The following NSD1 variants were observed in gnomAD, a reference collection of about 807,000 sequenced individuals.
NSD1 encodes the protein nuclear receptor binding SET domain protein 1, also known as histone-lysine N-methyltransferase, H3 lysine-36 specific.
NSD1 carries 26 observed loss-of-function variants against 242.7 expected under a neutral mutation model. The observed-to-expected ratio is 0.11, with a 90% confidence interval of 0.08 to 0.15. The LOEUF (loss-of-function observed/expected upper bound fraction) is 0.15. Among genes scored for constraint, NSD1 ranks in the 10% least tolerant of loss-of-function variants. The probability of loss-of-function intolerance (pLI) is 1.00; values close to 1 mark genes in which losing one functional copy is unlikely to be tolerated. For synonymous variants in NSD1, 1,106 were observed against 1,178.1 expected (o/e 0.94, Z 1.25); for missense variants, 2,495 against 3,272.8 (o/e 0.76, Z 5.80).
Position 177,290,835 on chromosome 5 carries a change from A to T in NSD1, c.6259-1119A>T, listed in dbSNP as rs376990656. Among the ~76,000 whole-genome samples, 8 of 152,306 alleles carry T rather than the reference A, an allele frequency of 5.3e-5. 2 individuals carry two copies. The East Asian group carries it at 5.8e-4, about 11-fold the overall frequency. On this transcript the variant is annotated intron_variant, in intron 21 of 22. Coordinates refer to ENST00000439151, the MANE Select transcript of NSD1 (RefSeq NM_022455.5). ...TGGTTTAACGGTGTTGTTCCTTAAG[A>T]TGTTGACTTGTTTCCTATAAATTAA...
In NSD1 at chr5:177,210,385, C is replaced by A. The variant is rs1763239548; in HGVS notation, c.1986C>A (p.Val662=). The stretch of plus-strand genomic sequence containing the variant: ...ACAGCTCAGAGTCTGATAACAGTGT[C>A]CTTGAAATTCCAGATGCTTTCGATA... ...IEHSSESDNS[V]LEIPDAFDRT... Residue 662 remains valine (V), a synonymous_variant, in exon 5 of 23, where the codon GTC becomes GTA. Transcript: ENST00000439151. The A allele has an allele frequency of 1.2e-6, 2 of 1,613,956 alleles. No homozygotes were observed.
chr5:177,276,992 A>G (rs1054104660), intron 17 of NSD1, among the ~76,000 whole-genome samples: 2 of 152,212 alleles, frequency 1.3e-5, no homozygotes, highest in African/African-American at 4.8e-5. Context: ...AAATAATTCT[A>G]TTCACATAGT....
Position 177,238,119 on chromosome 5 carries a change from C to A in NSD1, c.3922-118C>A. ...TAGCATACATAATGTCTTCAAGGTT[C>A]ATCCACTTTTTGTAGCCTTTGTCAG... On this transcript the variant is annotated intron_variant, in intron 6 of 22. Coordinates refer to ENST00000439151, the MANE Select transcript of NSD1 (RefSeq NM_022455.5). This position sits in a 1 kb window ranked among gnomAD's most constrained non-coding sequence, Gnocchi z 4.6. The A allele has an allele frequency of 1.8e-6, 2 of 1,115,134 alleles. No homozygotes were observed. Among genetic ancestry groups the A allele is most frequent in the Non-Finnish European group, 2.7e-6 (2 of 731,324 alleles). The allele number at this position is 1,115,134 out of a possible 1,614,324, so 69.1% of individuals were successfully genotyped here.
chr5:177,209,499 A>G, intron 4 of NSD1, 137 bp from the exon 5 acceptor site: 1 of 673,554 alleles, frequency 1.5e-6, no homozygotes, highest in Non-Finnish European at 2.5e-6. Flanking sequence ...ACTGCACTCC[A>G]GCCTGGGCGA....
rs1334745858 is a variant in NSD1 at position 177,297,733 on chromosome 5, T to C, written c.*2274T>C. 2 of 232,988 alleles carry C rather than the reference T, an allele frequency of 8.6e-6. No homozygotes were observed. The highest frequency in any genetic ancestry group is 4.4e-5 in the African/African-American group (2 of 45,318). 14.4% of individuals were successfully genotyped at this position (232,988 alleles called of 1,614,324 possible). A position where few individuals can be genotyped will look rare whatever the true frequency, so the allele number is the denominator to read the frequency against. ...AGAAGTTTGATTCTAAAGTAGCTTC[T>C]CTAAAGTAGGCTTTGGTAGGTAATC... On this transcript the variant is annotated 3_prime_UTR_variant, in exon 23 of 23. Transcript: ENST00000439151.
At chr5:177,214,412 A>G (rs1043365635) in intron 5 of NSD1, among the ~76,000 whole-genome samples, 3 of 152,190 alleles carry the variant, frequency 2.0e-5, no homozygotes, top group African/African-American at 7.2e-5. Flanking sequence ...ATGTACATGT[A>G]CAACAGCAGA....
chr5:177,148,389 A>G (rs547125014), intron 2 of NSD1, among the ~76,000 whole-genome samples: 1 of 152,110 alleles, frequency 6.6e-6, no homozygotes, highest in South Asian at 2.1e-4. Flanking sequence ...AAGTGCTGGG[A>G]TTACAGGCGT....
intron 17 of NSD1, among the ~76,000 whole-genome samples, chr5:177,278,661 C>T (rs1374719859): frequency 6.6e-6 from 1 of 152,170 alleles, no homozygotes; most frequent in Non-Finnish European, 1.5e-5. Flanking sequence ...TTTAATATGT[C>T]TACCATGTTT....
At chr5:177,158,293 C>CTTTCTTTCTTTCTTTTCTTTTCT (rs1758350204) in intron 2 of NSD1, among the ~76,000 whole-genome samples, 54 of 77,726 alleles carry the variant, frequency 6.9e-4, no homozygotes, top group Middle Eastern at 6.4e-3. Flanking sequence ...TTCTTTCTTT[C>CTTTCTTTCTTTCTTTTCTTTTCT]TTTCTTTCTT....
chr5:177,214,600 T>A (rs1008032855), intron 5 of NSD1, among the ~76,000 whole-genome samples: 3 of 152,054 alleles, frequency 2.0e-5, no homozygotes, highest in Non-Finnish European at 4.4e-5. Flanking sequence ...TGTGATTGGG[T>A]TATTTCACAT....
chr5:177,191,369 G>A (rs530847288), intron 2 of NSD1, among the ~76,000 whole-genome samples: 1 of 152,238 alleles, frequency 6.6e-6, no homozygotes, highest in South Asian at 2.1e-4. Context: ...GTGTTAGCTG[G>A]GACTACAGGC....
rs539338530 is a variant in NSD1 at position 177,198,857 on chromosome 5, T to C, written c.1064-5263T>C. ...TCACCAAGATGTCAATTTGAAAATA[T>C]ATTCATCACCCTAACATGGAACCCC... On this transcript the variant is annotated intron_variant, in intron 3 of 22. Coordinates refer to ENST00000439151, the MANE Select transcript of NSD1 (RefSeq NM_022455.5). Among the ~76,000 whole-genome samples the C allele has an allele frequency of 3.3e-5, 5 of 152,356 alleles. No individual in the cohort carries two copies. In the South Asian group the frequency reaches 6.2e-4, roughly 19 times the overall value.
intron 5 of NSD1, among the ~76,000 whole-genome samples, chr5:177,235,249 G>A (rs1672137885): frequency 6.6e-6 from 1 of 152,082 alleles, no homozygotes; most frequent in South Asian, 2.1e-4. Flanking sequence ...GTATAATGTA[G>A]AAAATAAATA....
intron 14 of NSD1, among the ~76,000 whole-genome samples, chr5:177,262,508 C>T (rs1394200362): frequency 6.6e-6 from 1 of 152,106 alleles, no homozygotes; most frequent in Non-Finnish European, 1.5e-5. Context: ...CCCAGGAGGC[C>T]CAAATCACTA....
chr5:177,157,544 C>G (rs530632131), intron 2 of NSD1, among the ~76,000 whole-genome samples: 5 of 151,826 alleles, frequency 3.3e-5, no homozygotes, highest in Admixed American at 1.3e-4. Context: ...ACTAAAAATA[C>G]AAAAATTAGC....
At chr5:177,258,528 GTTGT>G (rs1321708637) in intron 13 of NSD1, among the ~76,000 whole-genome samples, 6 of 150,356 alleles carry the variant, frequency 4.0e-5, no homozygotes, top group African/African-American at 1.5e-4. Context: ...TGTTGTTGTT[GTTGT>G]TTGTTGTTGT....
intron 5 of NSD1, among the ~76,000 whole-genome samples, chr5:177,222,970 AC>A (rs1157687465): frequency 6.6e-6 from 1 of 151,722 alleles, no homozygotes; most frequent in African/African-American, 2.4e-5. Flanking sequence ...TTCTTCTAAA[AC>A]CTTTGATGCA....
chr5:177,208,655 C>T (rs950184534), intron 4 of NSD1, among the ~76,000 whole-genome samples: 9 of 151,178 alleles, frequency 6.0e-5, no homozygotes, highest in African/African-American at 2.2e-4. Context: ...AGCCTCCCTA[C>T]TTTCTTTTTT....
chr5:177,171,924 ATC>A (rs1404017534), intron 2 of NSD1, among the ~76,000 whole-genome samples: 2 of 152,202 alleles, frequency 1.3e-5, no homozygotes, highest in Non-Finnish European at 2.9e-5. Context: ...GTGTGCAAAT[ATC>A]TGTTTGAGTC....
Sources: gnomAD v4.1 joint callset for allele counts (sites outside exome capture counted in the v4.1 genomes callset) on GRCh38, gnomAD v4.1.1 for gene constraint, Gnocchi (gnomAD v3.1) non-coding constraint, MANE v1.5 for transcripts, NCBI Gene and HGNC (gene_info 2026-07-23, HGNC 2026-07-21) for gene names.